LRRC56: variants seen among roughly 807,000 people sequenced by gnomAD.
LRRC56 encodes leucine rich repeat containing 56.
A neutral mutation model predicts 47.8 loss-of-function variants in LRRC56; 41 were observed. The observed-to-expected ratio is 0.86, with a 90% CI of 0.67 to 1.11. LRRC56 has a LOEUF of 1.11. LRRC56 is among the 50% of genes most tolerant of loss of function. The pLI, the probability that LRRC56 is intolerant of heterozygous loss-of-function variation, is 0.00. For missense variants in LRRC56, 759 were observed against 704.2 expected, an observed-to-expected ratio of 1.08 and a Z score of -0.88; for synonymous variants, 387 against 311.2, an observed-to-expected ratio of 1.24 and a Z score of -2.56.
rs1852428969 is a variant in LRRC56, at chr11:552,114, C to T, written c.1063C>T (p.Pro355Ser). 1.9e-6 allele frequency: 3 copies of T among 1,612,246 alleles called. No individual in the cohort carries two copies. Among genetic ancestry groups the T allele is most frequent in the South Asian group, 1.1e-5 (1 of 91,042 alleles). ...CQAREPPEQL[P>S]QHRPGDPAAS... ...GGCCAGGGAGCCCCCCGAGCAGCTG[C>T]CCCAACACAGGCCAGGAGATCCGGC... Residue 355 changes from proline to serine, a missense_variant, in exon 12 of 14, where the codon CCC becomes TCC. Pro to Ser is a moderately conservative substitution (Grantham distance 74). Coordinates refer to ENST00000270115, the MANE Select transcript of LRRC56 (RefSeq NM_198075.4).
At chr11:550,413 CTG>C (rs1244371406) in intron 8 of LRRC56, 141 bp downstream of exon 8, 1 of 804,340 alleles carries the variant, frequency 1.2e-6, no homozygotes, top group East Asian at 2.7e-5. Flanking sequence ...TTCACCTCCT[CTG>C]TCACTGGAAG....
In LRRC56 at chr11:549,998, G is replaced by A; in HGVS notation, c.423G>A (p.Lys141=). 5.0e-6 allele frequency: 8 copies of A among 1,612,736 alleles called. No homozygotes were observed. Among genetic ancestry groups the A allele is most frequent in the Non-Finnish European group, 5.9e-6 (7 of 1,179,714 alleles). ...GCATCGCCTCTTTGCCAGCACTTAA[G>A]GTGAGTCTGGGCACCCTGGGCTGGG... The part of the protein sequence containing the change: ...LDGIASLPAL[K]ELYASYNNIS... Residue 141 remains lysine (K), a splice_region_variant and synonymous_variant, in exon 7 of 14, where the codon AAG becomes AAA. Coordinates refer to ENST00000270115, the MANE Select transcript of LRRC56 (RefSeq NM_198075.4).
At position 538,639 on chromosome 11, in the gene LRRC56, G is replaced by A. The variant is rs1472332871; in HGVS notation, c.-380G>A. On this transcript the variant is annotated 5_prime_UTR_variant, in exon 2 of 14. It removes an upstream start codon present in the reference 5' UTR. Coordinates refer to ENST00000270115, the MANE Select transcript of LRRC56 (RefSeq NM_198075.4). ...GCACAGGGGCAGCTCTAGACGGGAT[G>A]GAGAGGATGCATCTTCAGTGTCCAC... is the stretch of plus-strand genomic sequence containing the variant. 2 of 152,316 alleles carry A rather than the reference G, an allele frequency of 1.3e-5. No individual in the cohort carries two copies. The highest frequency in any genetic ancestry group is 6.5e-5 in the Admixed American group (1 of 15,284). 9.4% of individuals were successfully genotyped at this position (152,316 alleles called of 1,614,324 possible).
the LRRC56 span, among the ~76,000 whole-genome samples, chr11:521,822 G>C: frequency 6.6e-6 from 1 of 151,940 alleles, no homozygotes; most frequent in Admixed American, 6.6e-5. Flanking sequence ...GGCTGAGGCA[G>C]GAGAATGGCG....
intron 5 of LRRC56, among the ~76,000 whole-genome samples, chr11:543,771 C>T (rs1168578362): frequency 1.3e-5 from 2 of 151,452 alleles, no homozygotes; most frequent in Non-Finnish European, 1.5e-5. Context: ...TTTTTTGAGA[C>T]GGAGTCTCGC....
the LRRC56 span, among the ~76,000 whole-genome samples, chr11:516,989 G>A: frequency 6.6e-6 from 1 of 152,324 alleles, no homozygotes; most frequent in East Asian, 1.9e-4. Flanking sequence ...GCCTGGGATT[G>A]CAGGCATGCA....
At chr11:528,234 G>T in the LRRC56 span, among the ~76,000 whole-genome samples, 5 of 152,234 alleles carry the variant, frequency 3.3e-5, no homozygotes, top group Admixed American at 2.6e-4. Context: ...AGCTATCAGA[G>T]GGCTCCATCA....
chr11:536,906 G>C (rs1387299585), upstream of LRRC56: 1 of 152,258 alleles, frequency 6.6e-6, no homozygotes, highest in Non-Finnish European at 1.5e-5. Context: ...TCCGTCCACC[G>C]CGCGGTCGCA....
chr11:525,558 A>AAAAG, the LRRC56 span, among the ~76,000 whole-genome samples: 33,215 of 151,188 alleles, frequency 0.22, 4,061 homozygotes, highest in African/African-American at 0.33. Flanking sequence ...AAAGAAAAAA[A>AAAAG]AAAAAATCTC....
chr11:552,186 T>C lies in LRRC56; in HGVS notation c.1135T>C (p.Phe379Leu). ...GCCTGACCCTGCAGACAGCTCTGAC[T>C]TCCTGGCCTTGGCTGGGCTCAGGGC... is the stretch of plus-strand genomic sequence containing the variant. Reference protein sequence around the residue: ...PEPDPADSSDFLALAGLRAWR... With the variant: ...PEPDPADSSDLLALAGLRAWR... The change falls in exon 12 of 14, where the codon TTC (phenylalanine) becomes CTC (leucine). Residue 379 changes from phenylalanine to leucine, a missense_variant. By Grantham distance (22) the Phe-to-Leu change is conservative (BLOSUM62 0). Coordinates refer to ENST00000270115, the MANE Select transcript of LRRC56 (RefSeq NM_198075.4). The C allele has an allele frequency of 1.2e-6, 2 of 1,612,610 alleles. No individual in the cohort carries two copies. The highest frequency in any genetic ancestry group is 1.7e-6 in the Non-Finnish European group (2 of 1,179,804).
chr11:521,778 G>A, the LRRC56 span, among the ~76,000 whole-genome samples: 2 of 152,202 alleles, frequency 1.3e-5, no homozygotes, highest in Admixed American at 6.5e-5. Context: ...AGCTGGACGT[G>A]GTGGCGAGCG....
the LRRC56 span, among the ~76,000 whole-genome samples, chr11:518,660 C>A: frequency 6.6e-6 from 1 of 152,140 alleles, no homozygotes; most frequent in Non-Finnish European, 1.5e-5. Context: ...GTATTCCATT[C>A]CCATAACCCA....
intron 12 of LRRC56, among the ~76,000 whole-genome samples, 156 bp from the exon 13 acceptor site, chr11:552,413 C>T (rs1852451798): frequency 6.7e-6 from 1 of 150,198 alleles, no homozygotes; most frequent in Non-Finnish European, 1.5e-5. Flanking sequence ...TCCCAAGGCT[C>T]GTGGACCATC....
In LRRC56 at chr11:551,205, G is replaced by T; in HGVS notation, c.699G>T (p.Pro233=). The change falls in exon 9 of 14, where the codon CCG becomes CCT. Residue 233 remains proline, a synonymous_variant. Transcript: ENST00000270115. ...IPQLQVLDEV[P]AAHTGPPAPP... is the part of the protein sequence containing the mutation. ...AGCTGCAGGTCCTGGACGAAGTGCC[G>T]GCCGCACACACAGGCCCACCGGCCC... is the stretch of plus-strand genomic sequence containing the variant. 1 of 1,546,078 alleles carries T rather than the reference G, an allele frequency of 6.5e-7. No individual in the cohort carries two copies. The highest frequency in any genetic ancestry group is 8.7e-7 in the Non-Finnish European group (1 of 1,144,492).
At chr11:534,186 C>T (rs1300745629), upstream of LRRC56, 6 of 1,564,236 alleles carry the variant, frequency 3.8e-6, no homozygotes, top group Non-Finnish European at 5.3e-6. Flanking sequence ...CAGCTGCTGG[C>T]ACCTGGACGG....
rs763955150 is a variant in LRRC56, at chr11:550,001, G to A, written c.423+3G>A. On this transcript the variant is annotated splice_donor_region_variant and intron_variant, in intron 7 of 13. Coordinates refer to ENST00000270115, the MANE Select transcript of LRRC56 (RefSeq NM_198075.4). ...TCGCCTCTTTGCCAGCACTTAAGGTGAGTCTGGGCACCCTGGGCTGGGGAG... is the reference window on the plus strand; with the variant it reads ...TCGCCTCTTTGCCAGCACTTAAGGTAAGTCTGGGCACCCTGGGCTGGGGAG... The A allele has an allele frequency of 2.2e-5, 35 of 1,612,524 alleles. No homozygotes were observed. Among genetic ancestry groups the A allele is most frequent in the Non-Finnish European group, 3.0e-5 (35 of 1,179,662 alleles).
chr11:522,947 C>T, the LRRC56 span, among the ~76,000 whole-genome samples: 1 of 152,176 alleles, frequency 6.6e-6, no homozygotes, highest in African/African-American at 2.4e-5. Context: ...CGAGGTTTCA[C>T]CATGTTGGCC....
At chr11:529,015 G>A in the LRRC56 span, 3 of 152,264 alleles carry the variant, frequency 2.0e-5, no homozygotes, top group African/African-American at 7.2e-5. Flanking sequence ...CAGGTGGCCT[G>A]CGCTGGCCTC....
At position 541,865 on chromosome 11, in the gene LRRC56, AC is replaced by A; in HGVS notation, c.265+246del. On this transcript the variant is annotated intron_variant, in intron 5 of 13. Transcript: ENST00000270115. This position sits in a 1 kb window ranked among gnomAD's most constrained non-coding sequence, Gnocchi z 4.1. ...CAGTACCCCACACACCCACACCAGTACCCCCAGCACGCTCAGTACCCCACAC... is the reference window on the plus strand; with the variant it reads ...CAGTACCCCACACACCCACACCAGTACCCCAGCACGCTCAGTACCCCACAC... 6.7e-6 allele frequency among the ~76,000 whole-genome samples: 1 copy of A among 148,718 alleles called. No homozygotes were observed. Among genetic ancestry groups the A allele is most frequent in the East Asian group, 2.0e-4 (1 of 5,044 alleles).
Sources: gnomAD v4.1 joint callset for allele counts (sites outside exome capture counted in the v4.1 genomes callset) on GRCh38, gnomAD v4.1.1 for gene constraint, Gnocchi (gnomAD v3.1) non-coding constraint, MANE v1.5 for transcripts, NCBI Gene and HGNC (gene_info 2026-07-23, HGNC 2026-07-21) for gene names.